Variants in CXADR observed in about 807,000 individuals in gnomAD.
CXADR encodes the protein CXADR cell adhesion molecule.
CXADR carries 20 observed loss-of-function variants against 40.3 expected under a neutral mutation model. The observed-to-expected ratio is 0.50, with a 90% CI of 0.35 to 0.72. The LOEUF is 0.72. Ranked by LOEUF, CXADR falls within the 30% of genes least tolerant of loss-of-function variation. CXADR has a pLI of 0.01. For missense variants in CXADR, 332 were observed against 449.1 expected (o/e 0.74, Z 2.36); for synonymous variants, 150 against 161.3 (o/e 0.93, Z 0.53).
intron 1 of CXADR, among the ~76,000 whole-genome samples, chr21:17,521,684 A>G (rs370892033): frequency 6.6e-6 from 1 of 152,110 alleles, no homozygotes; most frequent in East Asian, 1.9e-4. Context: ...AATAAACTTC[A>G]CATTTGCAGG....
intron 7 of CXADR, among the ~76,000 whole-genome samples, chr21:17,591,762 T>C (rs2061437343): frequency 6.6e-6 from 1 of 151,924 alleles, no homozygotes; most frequent in Non-Finnish European, 1.5e-5. Context: ...GCTGAAATTA[T>C]GTAGTCATGT....
intron 1 of CXADR, among the ~76,000 whole-genome samples, chr21:17,523,419 A>G (rs894527112): frequency 1.3e-5 from 2 of 152,168 alleles, no homozygotes; most frequent in Non-Finnish European, 2.9e-5. Flanking sequence ...TGTGTCCTGC[A>G]CAGGTCAGCT....
At chr21:17,543,174 G>C (rs954906956) in intron 1 of CXADR, 3 of 183,238 alleles carry the variant, frequency 1.6e-5, no homozygotes, top group African/African-American at 7.1e-5. Flanking sequence ...AGCAGAAATG[G>C]ACAGTTGTCT....
chr21:17,568,945 A>C lies in CXADR; in HGVS notation c.*3253A>C. On this transcript the variant is annotated 3_prime_UTR_variant, in exon 7 of 7. Transcript: ENST00000284878. ...TTTGATTGAAAAAATCCAAATCACT[A>C]TCCATATAGATCATGGATATAAAGA... The C allele has an allele frequency of 3.1e-6, 3 of 983,288 alleles. No homozygotes were observed. The highest frequency in any genetic ancestry group is 4.7e-5 in the South Asian group (1 of 21,244). 60.9% of individuals were successfully genotyped at this position (983,288 alleles called of 1,614,324 possible).
At chr21:17,536,742 A>G (rs1057349568) in intron 1 of CXADR, among the ~76,000 whole-genome samples, 25 of 152,116 alleles carry the variant, frequency 1.6e-4, no homozygotes, top group African/African-American at 6.0e-4. Context: ...ATGAGCTGAC[A>G]AGTAAAGTGC....
intron 7 of CXADR, among the ~76,000 whole-genome samples, chr21:17,578,637 T>C (rs1284147359): frequency 6.6e-6 from 1 of 152,210 alleles, no homozygotes; most frequent in Non-Finnish European, 1.5e-5. Context: ...GAGACCAGTC[T>C]GGCCAACATG....
At chr21:17,594,155 G>A (rs1361137113), downstream of CXADR, 1 of 1,613,256 alleles carries the variant, frequency 6.2e-7, no homozygotes, top group East Asian at 2.2e-5. Context: ...ATTCCAGGAG[G>A]AGGTACCCAT....
chr21:17,541,371 C>T (rs1035597871), intron 1 of CXADR, among the ~76,000 whole-genome samples: 11 of 151,606 alleles, frequency 7.3e-5, no homozygotes, highest in East Asian at 1.9e-4. Flanking sequence ...GCTAACACGG[C>T]GAAACCCCGT....
In CXADR at chr21:17,569,449, A is replaced by T. The variant is rs1455887671; in HGVS notation, c.*3757A>T. Reference sequence around the variant, plus strand: ...TTCTGGGCAAGTTTTAATATTTTGAATGCCTTTGGATATTCCAGCAATAAA... The same window carrying T: ...TTCTGGGCAAGTTTTAATATTTTGATTGCCTTTGGATATTCCAGCAATAAA... On this transcript the variant is annotated 3_prime_UTR_variant, in exon 7 of 7. Coordinates refer to ENST00000284878, the MANE Select transcript of CXADR (RefSeq NM_001338.5). 1.0e-6 allele frequency: 1 copy of T among 984,988 alleles called. No homozygotes were observed. The highest frequency in any genetic ancestry group is 1.2e-6 in the Non-Finnish European group (1 of 829,874). The allele number at this position is 984,988 out of a possible 1,614,324, so 61.0% of individuals were successfully genotyped here. A position where few individuals can be genotyped will look rare whatever the true frequency, so the allele number is the denominator to read the frequency against.
At chr21:17,552,808 C>T (rs1414485851) in intron 3 of CXADR, among the ~76,000 whole-genome samples, 1 of 152,188 alleles carries the variant, frequency 6.6e-6, no homozygotes, top group Admixed American at 6.5e-5. Flanking sequence ...CTGGAAATAA[C>T]TGATCAGGGC....
chr21:17,550,582 T>G (rs1233838976), intron 2 of CXADR, among the ~76,000 whole-genome samples: 1 of 152,204 alleles, frequency 6.6e-6, no homozygotes, highest in African/African-American at 2.4e-5. Context: ...CTGATTATTA[T>G]TTGAGTTTTG....
intron 1 of CXADR, chr21:17,542,054 A>G (rs1284190566): frequency 2.8e-6 from 1 of 355,756 alleles, no homozygotes; most frequent in Non-Finnish European, 5.5e-6. Context: ...TGATTTTTTA[A>G]TAAGATTTTT....
chr21:17,547,025 A>C lies in CXADR; in HGVS notation c.44-2A>C. On this transcript the variant is annotated splice_acceptor_variant, in intron 1 of 6. Coordinates refer to ENST00000284878, the MANE Select transcript of CXADR (RefSeq NM_001338.5). LOFTEE classifies it high-confidence loss of function. The stretch of plus-strand genomic sequence containing the variant: ...TAGTCCCTTGTACATTTCTTTCTCT[A>C]GATTTCGCCAGAAGTTTGAGTATCA... The C allele has an allele frequency of 6.2e-7, 1 of 1,612,290 alleles. No individual in the cohort carries two copies.
At chr21:17,538,378 G>C (rs999788835) in intron 1 of CXADR, among the ~76,000 whole-genome samples, 1 of 152,168 alleles carries the variant, frequency 6.6e-6, no homozygotes, top group African/African-American at 2.4e-5. Context: ...ATTATACTGT[G>C]GGAGTGGGAA....
the CXADR span, among the ~76,000 whole-genome samples, chr21:17,616,066 C>A: frequency 5.3e-4 from 80 of 152,068 alleles, no homozygotes; most frequent in African/African-American, 1.9e-3. Flanking sequence ...GCCTGGCCAA[C>A]ATGGTGAAAC....
At chr21:17,575,024 CATACATACATACATACATACATACATAA>C (rs2061310097), downstream of CXADR, among the ~76,000 whole-genome samples, 5 of 151,582 alleles carry the variant, frequency 3.3e-5, no homozygotes, top group South Asian at 1.0e-3. Flanking sequence ...TACATACATA[CATACATACATACATACATACATACATAA>C]GGGTTGATAT....
chr21:17,519,044 A>G (rs1012122309), intron 1 of CXADR: 2 of 1,315,954 alleles, frequency 1.5e-6, no homozygotes, highest in Non-Finnish European at 2.2e-6. Context: ...AGCACGCGGC[A>G]AGAGCAAGAT....
chr21:17,546,355 C>T (rs2060896714), intron 1 of CXADR, among the ~76,000 whole-genome samples: 1 of 152,186 alleles, frequency 6.6e-6, no homozygotes, highest in Non-Finnish European at 1.5e-5. Flanking sequence ...TCCATTCTCA[C>T]ACCGCTATAG....
chr21:17,581,925 GTTTGTTTGTTTGTTTGTTTGT>G (rs2061363279), intron 7 of CXADR, among the ~76,000 whole-genome samples: 1 of 220 alleles, frequency 4.5e-3, no homozygotes, highest in African/African-American at 0.018. Context: ...GGAGGAGTTT[GTTTGTTTGTTTGTTTGTTTGT>G]TTTGTTTGTT....
Sources: allele counts gnomAD v4.1 joint callset (sites outside exome capture counted in the v4.1 genomes callset), GRCh38; gene constraint gnomAD v4.1.1; transcripts MANE v1.5; gene names NCBI Gene and HGNC (gene_info 2026-07-23, HGNC 2026-07-21).